The following HDAC11 variants were observed in gnomAD, a reference collection of about 807,000 sequenced individuals.
HDAC11 encodes histone deacetylase 11.
In HDAC11, 23 loss-of-function variants were observed where a neutral mutation model predicts 41.1. The ratio of observed to expected loss-of-function variants is 0.56; its 90% CI spans 0.40 to 0.79. HDAC11 has a LOEUF of 0.79. Ranked by LOEUF, HDAC11 falls within the 30% of genes least tolerant of loss-of-function variation. The pLI is 0.00. For missense variants in HDAC11, 402 were observed against 477.3 expected, an observed-to-expected ratio of 0.84 and a Z score of 1.47; for synonymous variants, 187 against 186.6, an observed-to-expected ratio of 1.00 and a Z score of -0.02.
intron 8 of HDAC11, 61 bp downstream of exon 8, chr3:13,503,041 G>A (rs1206202753): frequency 8.6e-6 from 11 of 1,285,828 alleles, no homozygotes; most frequent in Non-Finnish European, 1.1e-5. Context: ...TCTCTCCTGA[G>A]TGTCTCCTGT....
At chr3:13,485,958 C>A (rs2655219) in intron 3 of HDAC11, among the ~76,000 whole-genome samples, 1 of 150,232 alleles carries the variant, frequency 6.7e-6, no homozygotes, top group African/African-American at 2.4e-5. Flanking sequence ...ATGATGGTTT[C>A]TACGGCACCT....
At chr3:13,497,250 C>T (rs569705959) in intron 4 of HDAC11, among the ~76,000 whole-genome samples, 43 of 151,818 alleles carry the variant, frequency 2.8e-4, no homozygotes, top group African/African-American at 8.7e-4. Flanking sequence ...GTGATCTTGG[C>T]TCACTGCAAC....
Position 13,480,738 on chromosome 3 carries a change from G to A in HDAC11, c.2+389G>A, listed in dbSNP as rs771062277. 1.0e-5 allele frequency: 5 copies of A among 482,738 alleles called. No individual in the cohort carries two copies. The allele number at this position is 482,738 out of a possible 1,614,324, so 29.9% of individuals were successfully genotyped here. ...TGATGGGAAGGGTTAGCAGCGCAGC[G>A]GGGTCAGGGGATCCCCGCCCCCCGC... On this transcript the variant is annotated intron_variant, in intron 1 of 9. Transcript: ENST00000295757. This position sits in a 1 kb window ranked among gnomAD's most constrained non-coding sequence, Gnocchi z 4.6.
intron 2 of HDAC11, among the ~76,000 whole-genome samples, chr3:13,481,907 A>G (rs1701338727): frequency 6.6e-6 from 1 of 152,076 alleles, no homozygotes; most frequent in African/African-American, 2.4e-5. Flanking sequence ...AGGTTCAAAC[A>G]ATTTTTCTGC....
Position 13,501,919 on chromosome 3 carries a change from C to A in HDAC11, c.538C>A (p.Leu180Ile). The change falls in exon 7 of 10, where the codon CTT becomes ATT. Residue 180 changes from leucine (L) to isoleucine (I), a missense_variant. Coordinates refer to ENST00000295757, the MANE Select transcript of HDAC11 (RefSeq NM_024827.4). ...EGISRATIID[L>I]DAHQGNGHER... ...CATCTCCAGGGCTACCATCATTGAT[C>A]TTGATGCCCATCAGGTGAGTGCCCT... 1 of 1,613,938 alleles carries A rather than the reference C, an allele frequency of 6.2e-7. No individual in the cohort carries two copies. Among genetic ancestry groups the A allele is most frequent in the Non-Finnish European group, 8.5e-7 (1 of 1,179,876 alleles).
chr3:13,484,257 C>T (rs1701458579), intron 3 of HDAC11, among the ~76,000 whole-genome samples: 1 of 152,218 alleles, frequency 6.6e-6, no homozygotes, highest in African/African-American at 2.4e-5. Flanking sequence ...AGCCACCGCA[C>T]CCACCCTATT....
intron 9 of HDAC11, 67 bp from the exon 10 acceptor site, chr3:13,504,401 T>A (rs1257149115): frequency 1.9e-6 from 3 of 1,598,028 alleles, no homozygotes; most frequent in Admixed American, 1.7e-5. Flanking sequence ...GGGCTAGCCC[T>A]GCAGCAGGAC....
At chr3:13,491,416 G>T (rs1701860078) in intron 3 of HDAC11, among the ~76,000 whole-genome samples, 2 of 152,026 alleles carry the variant, frequency 1.3e-5, no homozygotes, top group Admixed American at 1.3e-4. Context: ...TATCACAAAA[G>T]GCTATTGAAT....
intron 3 of HDAC11, among the ~76,000 whole-genome samples, chr3:13,484,209 C>T (rs2597516): frequency 6.6e-6 from 1 of 151,974 alleles, no homozygotes; most frequent in African/African-American, 2.4e-5. Context: ...GGTCATCTGC[C>T]CACCTCGGCC....
intron 3 of HDAC11, among the ~76,000 whole-genome samples, chr3:13,492,110 C>T (rs545109918): frequency 9.8e-5 from 15 of 152,330 alleles, no homozygotes; most frequent in East Asian, 3.9e-4. Flanking sequence ...CAGTGGGGAG[C>T]GGGCAGAGTG....
At chr3:13,488,081 C>A (rs774625969) in intron 3 of HDAC11, among the ~76,000 whole-genome samples, 2 of 151,204 alleles carry the variant, frequency 1.3e-5, no homozygotes, top group Admixed American at 6.6e-5. Context: ...GATCCCAGGG[C>A]AGAACTATCT....
intron 8 of HDAC11, among the ~76,000 whole-genome samples, chr3:13,503,813 A>G (rs141435421): frequency 1.2e-3 from 186 of 152,260 alleles, no homozygotes; most frequent in African/African-American, 4.3e-3. Context: ...CAGGGTGTCC[A>G]TGTGTGTAGG....
intron 2 of HDAC11, among the ~76,000 whole-genome samples, chr3:13,482,027 T>A (rs1701344238): frequency 6.6e-6 from 1 of 152,186 alleles, no homozygotes; most frequent in Non-Finnish European, 1.5e-5. Flanking sequence ...TAGACCGAAC[T>A]GGGCACACTG....
chr3:13,503,302 C>T (rs1051578975), intron 8 of HDAC11: 13 of 215,534 alleles, frequency 6.0e-5, no homozygotes, highest in Admixed American at 2.7e-4. Context: ...CGGTGGCTCA[C>T]GCCTGTAATC....
intron 3 of HDAC11, among the ~76,000 whole-genome samples, chr3:13,495,614 G>A (rs1317659161): frequency 6.6e-6 from 1 of 152,144 alleles, no homozygotes; most frequent in Non-Finnish European, 1.5e-5. Context: ...TGCAGCTAGT[G>A]CAGCTTGGGA....
At chr3:13,485,533 C>T (rs1387101880) in intron 3 of HDAC11, among the ~76,000 whole-genome samples, 2 of 152,138 alleles carry the variant, frequency 1.3e-5, no homozygotes, top group African/African-American at 4.8e-5. Context: ...AGGGCCCCAC[C>T]CATTTGAGGG....
At chr3:13,489,594 A>AT (rs1227130138) in intron 3 of HDAC11, among the ~76,000 whole-genome samples, 12 of 152,314 alleles carry the variant, frequency 7.9e-5, no homozygotes, top group Middle Eastern at 3.4e-3. Context: ...AAAGGGTTGC[A>AT]TTCTTTCGAC....
At chr3:13,498,650 G>A (rs1702220166) in intron 5 of HDAC11, 95 bp downstream of exon 5, 1 of 1,312,350 alleles carries the variant, frequency 7.6e-7, no homozygotes, top group African/African-American at 1.4e-5. Context: ...CCTGGAGGTG[G>A]CAGCTGTGAA....
At position 13,502,892 on chromosome 3, in the gene HDAC11, G is replaced by T; in HGVS notation, c.561G>T (p.Gly187=). The change falls in exon 8 of 10, where the codon GGG becomes GGT. Residue 187 remains glycine, a synonymous_variant. Coordinates refer to ENST00000295757, the MANE Select transcript of HDAC11 (RefSeq NM_024827.4). The surrounding 1 kb of genome is among the most constrained non-coding windows in gnomAD (Gnocchi z 4.1). ...CTGTGACCTCCCCACAGGGCAATGG[G>T]CATGAGCGAGACTTCATGGACGACA... ...IIDLDAHQGN[G]HERDFMDDKR... is the part of the protein sequence containing the mutation. 4 of 1,613,234 alleles carry T rather than the reference G, an allele frequency of 2.5e-6. No homozygotes were observed. The highest frequency in any genetic ancestry group is 3.4e-6 in the Non-Finnish European group (4 of 1,179,676).
Sources: allele counts gnomAD v4.1 joint callset (sites outside exome capture counted in the v4.1 genomes callset), GRCh38; gene constraint gnomAD v4.1.1; non-coding constraint Gnocchi (gnomAD v3.1); transcripts MANE v1.5; gene names NCBI Gene and HGNC (gene_info 2026-07-23, HGNC 2026-07-21).